Variants in RALYL observed in about 807,000 individuals in gnomAD.
RALYL encodes RNA-binding Raly-like protein.
A neutral mutation model predicts 35.1 loss-of-function variants in RALYL; 29 were observed. The ratio of observed to expected loss-of-function variants is 0.83; its 90% CI spans 0.61 to 1.13. The LOEUF (loss-of-function observed/expected upper bound fraction) is 1.13. Ranked by LOEUF, RALYL falls within the 50% of genes most tolerant of loss-of-function variation. RALYL has a pLI of 0.00. For synonymous variants in RALYL, 120 were observed against 127.6 expected, an observed-to-expected ratio of 0.94 and a Z score of 0.40; for missense variants, 359 against 360.4, an observed-to-expected ratio of 1.00 and a Z score of 0.03.
intron 2 of RALYL, among the ~76,000 whole-genome samples, chr8:84,568,948 C>A (rs1222738419): frequency 6.7e-6 from 1 of 150,340 alleles, no homozygotes; most frequent in Non-Finnish European, 1.5e-5. Flanking sequence ...TGGATATTAG[C>A]CCTTTGTCAG....
Position 84,920,935 on chromosome 8 carries a change from A to G in RALYL, c.*24A>G, listed in dbSNP as rs1166147738. 7.1e-7 allele frequency: 1 copy of G among 1,410,484 alleles called. No individual in the cohort carries two copies. Among genetic ancestry groups the G allele is most frequent in the East Asian group, 2.7e-5 (1 of 37,110 alleles). 87.4% of individuals were successfully genotyped at this position (1,410,484 alleles called of 1,614,324 possible). A position where few individuals can be genotyped will look rare whatever the true frequency, so the allele number is the denominator to read the frequency against. On this transcript the variant is annotated 3_prime_UTR_variant, in exon 9 of 9. Coordinates refer to ENST00000521268, the MANE Select transcript of RALYL (RefSeq NM_173848.7). ...GATCTGAAATAACGCATGATGCCAC[A>G]AAGCAGAAAAGAGAAACTGTGACAA...
At chr8:84,862,635 A>C (rs1838349266) in intron 6 of RALYL, among the ~76,000 whole-genome samples, 182 bp downstream of exon 6, 1 of 152,242 alleles carries the variant, frequency 6.6e-6, no homozygotes, top group Admixed American at 6.5e-5. Flanking sequence ...GTGTTGCAGT[A>C]GGGGAGACAA....
intron 1 of RALYL, among the ~76,000 whole-genome samples, chr8:84,397,472 T>A (rs2042457890): frequency 6.6e-6 from 1 of 152,130 alleles, no homozygotes; most frequent in Admixed American, 6.5e-5. Context: ...TGATTAGCTA[T>A]TAGAGCAGAG....
intron 1 of RALYL, among the ~76,000 whole-genome samples, chr8:84,196,808 C>T (rs1016667658): frequency 1.2e-4 from 19 of 152,148 alleles, no homozygotes; most frequent in African/African-American, 4.6e-4. Context: ...AATAGAAATC[C>T]ATTGAAGTTC....
intron 1 of RALYL, among the ~76,000 whole-genome samples, chr8:84,360,962 G>GAA (rs61694143): frequency 3.1e-5 from 3 of 98,300 alleles, no homozygotes; most frequent in Admixed American, 1.0e-4. Flanking sequence ...ATGCAGTAAA[G>GAA]AAAAAAAAAA....
chr8:84,621,873 G>A (rs1386853393), intron 2 of RALYL, among the ~76,000 whole-genome samples: 1 of 152,090 alleles, frequency 6.6e-6, no homozygotes, highest in African/African-American at 2.4e-5. Flanking sequence ...CCTTTGCAGT[G>A]CTAATTTAGC....
Position 84,886,728 on chromosome 8 carries a change from A to G in RALYL, c.686-876A>G, listed in dbSNP as rs77543304. Among the ~76,000 whole-genome samples, 50 of 152,330 alleles carry G rather than the reference A, an allele frequency of 3.3e-4. No homozygotes were observed. The East Asian group carries it at 6.6e-3, about 20-fold the overall frequency. ...CTGTCAGCACAATTTCCATTTGAGC[A>G]GGTTTCTGTATATGGAATGCACAGA... On this transcript the variant is annotated intron_variant, in intron 7 of 8. Transcript: ENST00000521268.
At chr8:84,774,299 A>AT (rs1422096091) in intron 2 of RALYL, among the ~76,000 whole-genome samples, 1 of 152,168 alleles carries the variant, frequency 6.6e-6, no homozygotes, top group Non-Finnish European at 1.5e-5. Flanking sequence ...TCGTTTTCTA[A>AT]TATGGTATAT....
intron 1 of RALYL, among the ~76,000 whole-genome samples, chr8:84,441,671 G>T (rs2048347696): frequency 6.6e-6 from 1 of 152,086 alleles, no homozygotes. Flanking sequence ...AAAGAGCAGT[G>T]CACTAAATAA....
chr8:84,762,691 A>G (rs1812993463), intron 2 of RALYL, among the ~76,000 whole-genome samples: 1 of 152,182 alleles, frequency 6.6e-6, no homozygotes, highest in Non-Finnish European at 1.5e-5. Flanking sequence ...TGCAAATAAG[A>G]CTTTCTGAAC....
chr8:84,766,114 G>T (rs1226033974), intron 2 of RALYL, among the ~76,000 whole-genome samples: 1 of 152,000 alleles, frequency 6.6e-6, no homozygotes, highest in Non-Finnish European at 1.5e-5. Context: ...TAAAATGAGG[G>T]TACTCCAAGT....
At chr8:84,207,964 C>T (rs113460544) in intron 1 of RALYL, among the ~76,000 whole-genome samples, 16 of 152,088 alleles carry the variant, frequency 1.1e-4, no homozygotes, top group Admixed American at 6.6e-4. Context: ...AATTGCAGTT[C>T]GCTCTTTGAA....
intron 1 of RALYL, among the ~76,000 whole-genome samples, chr8:84,502,245 T>C (rs2056752444): frequency 6.6e-6 from 1 of 152,052 alleles, no homozygotes; most frequent in South Asian, 2.1e-4. Flanking sequence ...TATCTATGAC[T>C]ATATAATATC....
intron 2 of RALYL, among the ~76,000 whole-genome samples, chr8:84,704,499 C>T (rs546979052): frequency 6.8e-6 from 1 of 146,872 alleles, no homozygotes; most frequent in East Asian, 1.9e-4. Context: ...TCATTTATTC[C>T]ACAAATGTTT....
At chr8:84,764,928 T>A (rs1377916607) in intron 2 of RALYL, among the ~76,000 whole-genome samples, 1 of 152,224 alleles carries the variant, frequency 6.6e-6, no homozygotes, top group East Asian at 1.9e-4. Context: ...AGATTTTCGC[T>A]CAAAATGCTA....
In RALYL at chr8:84,412,152, A is replaced by G. The variant is rs146208922; in HGVS notation, c.-23-117147A>G. On this transcript the variant is annotated intron_variant, in intron 1 of 8. Transcript: ENST00000521268. Reference sequence around the variant, plus strand: ...TGATGTGTGATTTTAAAGGACAATGATAATTATATTACTTATTGTCTAGAC... The same window carrying G: ...TGATGTGTGATTTTAAAGGACAATGGTAATTATATTACTTATTGTCTAGAC... Among the ~76,000 whole-genome samples, 1,098 of 151,812 alleles carry G rather than the reference A, an allele frequency of 7.2e-3. 15 individuals carry two copies. The highest frequency in any genetic ancestry group is 0.024 in the African/African-American group (1,016 of 41,514).
intron 5 of RALYL, among the ~76,000 whole-genome samples, chr8:84,861,972 A>G (rs998902566): frequency 1.3e-5 from 2 of 152,252 alleles, no homozygotes; most frequent in African/African-American, 4.8e-5. Flanking sequence ...GCAAAGAAAT[A>G]TATTTAGGAA....
chr8:84,321,057 G>C (rs1414726562), intron 1 of RALYL, among the ~76,000 whole-genome samples: 1 of 152,072 alleles, frequency 6.6e-6, no homozygotes, highest in East Asian at 1.9e-4. Context: ...TATTTGTATG[G>C]TAGTGAAAAG....
At chr8:84,227,056 C>CTTTTTTTTT (rs1158995864) in intron 1 of RALYL, among the ~76,000 whole-genome samples, 11 of 81,892 alleles carry the variant, frequency 1.3e-4, no homozygotes, top group Non-Finnish European at 2.4e-4. Flanking sequence ...AATTGTATTT[C>CTTTTTTTTT]TTTTTTTTTT....
Sources: gnomAD v4.1 joint callset for allele counts (sites outside exome capture counted in the v4.1 genomes callset) on GRCh38, gnomAD v4.1.1 for gene constraint, MANE v1.5 for transcripts, NCBI Gene and HGNC (gene_info 2026-07-23, HGNC 2026-07-21) for gene names.